The following ZNF407 variants were observed in gnomAD, a reference collection of about 807,000 sequenced individuals.
The protein encoded by ZNF407 is zinc finger protein 407.
A neutral mutation model predicts 131.2 loss-of-function variants in ZNF407; 17 were observed. The observed-to-expected ratio is 0.13, with a 90% confidence interval of 0.09 to 0.19. The LOEUF (loss-of-function observed/expected upper bound fraction) is 0.19, where lower values mean the gene tolerates loss of function less well. Ranked by LOEUF, ZNF407 falls within the 10% of genes least tolerant of loss-of-function variation. The pLI is 1.00. For missense variants in ZNF407, 2,681 were observed against 2,830.6 expected, an observed-to-expected ratio of 0.95 and a Z score of 1.20; for synonymous variants, 1,156 against 1,062.0, an observed-to-expected ratio of 1.09 and a Z score of -1.72.
chr18:74,646,844 C>T (rs2144700439), intron 3 of ZNF407, among the ~76,000 whole-genome samples: 1 of 152,244 alleles, frequency 6.6e-6, no homozygotes, highest in African/African-American at 2.4e-5. Flanking sequence ...GCCCCCAGCT[C>T]CTCCTCACAG....
chr18:75,034,247 C>A (rs1193186257), intron 8 of ZNF407, among the ~76,000 whole-genome samples: 1 of 147,646 alleles, frequency 6.8e-6, no homozygotes, highest in African/African-American at 2.5e-5. Flanking sequence ...TAATGTCTTT[C>A]TTGGTCTTTG....
At chr18:74,901,984 A>G (rs1971532051) in intron 7 of ZNF407, among the ~76,000 whole-genome samples, 1 of 152,084 alleles carries the variant, frequency 6.6e-6, no homozygotes, top group South Asian at 2.1e-4. Flanking sequence ...TCAAAGCGAC[A>G]TGATAAGTGA....
At chr18:74,997,708 C>G (rs1284086805) in intron 8 of ZNF407, among the ~76,000 whole-genome samples, 1 of 152,068 alleles carries the variant, frequency 6.6e-6, no homozygotes, top group Non-Finnish European at 1.5e-5. Context: ...ATTTTCTTCT[C>G]CTATAAAGGC....
chr18:74,605,023 G>T (rs764644744), intron 1 of ZNF407, among the ~76,000 whole-genome samples: 1 of 152,172 alleles, frequency 6.6e-6, no homozygotes, highest in East Asian at 1.9e-4. Context: ...AGGGAACAGA[G>T]CCAGATGGTT....
At chr18:74,884,520 A>G (rs1372871855) in intron 6 of ZNF407, among the ~76,000 whole-genome samples, 1 of 152,176 alleles carries the variant, frequency 6.6e-6, no homozygotes, top group African/African-American at 2.4e-5. Flanking sequence ...TTTATGTACC[A>G]TGATATTTTT....
chr18:75,029,262 A>G (rs1403953994), intron 8 of ZNF407, among the ~76,000 whole-genome samples: 2 of 152,226 alleles, frequency 1.3e-5, no homozygotes, highest in African/African-American at 4.8e-5. Flanking sequence ...TTCAAAAGAT[A>G]GGAATTCTGA....
chr18:75,058,451 G>A (rs568664082), intron 8 of ZNF407, among the ~76,000 whole-genome samples: 3 of 152,296 alleles, frequency 2.0e-5, no homozygotes, highest in South Asian at 2.1e-4. Context: ...TGCCTTCTAC[G>A]CAAAGCTGCT....
intron 3 of ZNF407, among the ~76,000 whole-genome samples, chr18:74,771,106 A>C (rs1379549316): frequency 6.6e-6 from 1 of 152,160 alleles, no homozygotes; most frequent in Non-Finnish European, 1.5e-5. Context: ...TACATTTCAC[A>C]TGTGAAAATG....
chr18:74,902,799 G>T (rs1971546491), intron 7 of ZNF407, among the ~76,000 whole-genome samples: 2 of 152,040 alleles, frequency 1.3e-5, no homozygotes, highest in Non-Finnish European at 2.9e-5. Flanking sequence ...ACATTTTTTT[G>T]AAAGACTTTT....
chr18:74,610,606 A>T (rs964857842), intron 1 of ZNF407, among the ~76,000 whole-genome samples: 10 of 152,220 alleles, frequency 6.6e-5, no homozygotes, highest in Non-Finnish European at 1.5e-4. Context: ...GCTTGAGTGC[A>T]ATGGCTCATC....
At chr18:74,745,087 A>G (rs1326016061) in intron 3 of ZNF407, among the ~76,000 whole-genome samples, 1 of 152,116 alleles carries the variant, frequency 6.6e-6, no homozygotes, top group Non-Finnish European at 1.5e-5. Context: ...CTCACCTGAA[A>G]GTCACATCTG....
rs557533484 is a variant in ZNF407, at chr18:74,772,826, G to T, written c.4803-8602G>T. Among the ~76,000 whole-genome samples, 3 of 152,240 alleles carry T rather than the reference G, an allele frequency of 2.0e-5. No individual in the cohort carries two copies. The East Asian group carries it at 5.8e-4, about 29-fold the overall frequency. ...GAATTGTATGGGAGAGTGCCTTGTA[G>T]CTGTGGTACTCAGACATAATGGTTT... On this transcript the variant is annotated intron_variant, in intron 3 of 8. Coordinates refer to ENST00000299687, the MANE Select transcript of ZNF407 (RefSeq NM_017757.3).
chr18:74,825,872 CG>C (rs1456695776), intron 4 of ZNF407, among the ~76,000 whole-genome samples: 1 of 152,080 alleles, frequency 6.6e-6, no homozygotes, highest in Non-Finnish European at 1.5e-5. Context: ...GGGTATGTGG[CG>C]TATTGTCACA....
chr18:74,929,499 G>A (rs934305917), intron 8 of ZNF407, among the ~76,000 whole-genome samples: 4 of 152,074 alleles, frequency 2.6e-5, no homozygotes, highest in African/African-American at 7.2e-5. Flanking sequence ...TAGTGGGGAC[G>A]GTATGATTTT....
chr18:74,765,110 C>T (rs1308868321), intron 3 of ZNF407, among the ~76,000 whole-genome samples: 1 of 152,066 alleles, frequency 6.6e-6, no homozygotes, highest in Non-Finnish European at 1.5e-5. Flanking sequence ...GGGACTTGAG[C>T]ATGGATGGAG....
intron 4 of ZNF407, among the ~76,000 whole-genome samples, chr18:74,846,816 A>C (rs1174847637): frequency 6.6e-6 from 1 of 151,822 alleles, no homozygotes. Context: ...ACATGGTGAA[A>C]CACTGCCTTG....
chr18:75,060,561 G>T (rs1276841002), intron 8 of ZNF407, among the ~76,000 whole-genome samples: 2 of 143,236 alleles, frequency 1.4e-5, no homozygotes, highest in South Asian at 2.2e-4. Context: ...GCTGGAGTGC[G>T]ATGGCGCGGT....
chr18:74,687,035 T>C (rs941829080), intron 3 of ZNF407, among the ~76,000 whole-genome samples: 3 of 152,156 alleles, frequency 2.0e-5, no homozygotes, highest in African/African-American at 7.2e-5. Context: ...TTGGGGAATA[T>C]GCACAATAAA....
chr18:74,885,434 G>T (rs556750673), intron 6 of ZNF407, among the ~76,000 whole-genome samples: 7 of 152,000 alleles, frequency 4.6e-5, no homozygotes, highest in Non-Finnish European at 1.0e-4. Flanking sequence ...CGTTCACATC[G>T]ATCAATCCAA....
Sources: allele counts gnomAD v4.1 joint callset (sites outside exome capture counted in the v4.1 genomes callset), GRCh38; gene constraint gnomAD v4.1.1; transcripts MANE v1.5; gene names NCBI Gene and HGNC (gene_info 2026-07-23, HGNC 2026-07-21).